The following UFD1 variants were observed in gnomAD, a reference collection of about 807,000 sequenced individuals.
UFD1 encodes ubiquitin recognition factor in ER-associated degradation protein 1.
A neutral mutation model predicts 45.9 loss-of-function variants in UFD1; 13 were observed. That is an observed-to-expected ratio of 0.28 (90% CI 0.18 to 0.45). UFD1 has a LOEUF of 0.45. UFD1 is among the 20% of genes least tolerant of loss of function. The pLI is 1.00. For missense variants in UFD1, 218 were observed against 389.2 expected, an observed-to-expected ratio of 0.56 and a Z score of 3.70; for synonymous variants, 128 against 139.2, an observed-to-expected ratio of 0.92 and a Z score of 0.56.
intron 3 of UFD1, among the ~76,000 whole-genome samples, chr22:19,474,017 T>C (rs1437569734): frequency 2.0e-5 from 3 of 152,156 alleles, no homozygotes; most frequent in Non-Finnish European, 4.4e-5. Context: ...TTGTCCATGA[T>C]AGGGATTTTC....
chr22:19,451,066 G>A, intron 11 of UFD1: 2 of 1,006,982 alleles, frequency 2.0e-6, no homozygotes, highest in Non-Finnish European at 2.4e-6. Flanking sequence ...AGTGAGCTAT[G>A]ATTGTGCCAC....
chr22:19,459,352 C>T (rs909695852), intron 6 of UFD1, among the ~76,000 whole-genome samples: 3 of 152,158 alleles, frequency 2.0e-5, no homozygotes, highest in South Asian at 2.1e-4. Flanking sequence ...TGGTGGCTCA[C>T]GCCTGTAATC....
At chr22:19,465,382 C>CAG in intron 5 of UFD1, 108 bp from the exon 6 acceptor site, 1 of 909,920 alleles carries the variant, frequency 1.1e-6, no homozygotes, top group Non-Finnish European at 1.8e-6. Context: ...CATGATGGTA[C>CAG]TTGAAACACG....
intron 6 of UFD1, among the ~76,000 whole-genome samples, chr22:19,462,004 C>CT (rs995161349): frequency 1.3e-5 from 2 of 151,008 alleles, no homozygotes; most frequent in Admixed American, 1.3e-4. Flanking sequence ...TCAGGGTTTG[C>CT]TTTTTTTTTG....
chr22:19,468,065 T>A, intron 4 of UFD1, 62 bp from the exon 5 acceptor site: 1 of 1,601,658 alleles, frequency 6.2e-7, no homozygotes, highest in Non-Finnish European at 8.5e-7. Flanking sequence ...CAACCACTGC[T>A]CCCTATACAC....
At position 19,450,489 on chromosome 22, in the gene UFD1, A is replaced by G; in HGVS notation, c.*181T>C. The G allele has an allele frequency of 1.3e-6, 1 of 745,942 alleles. No individual in the cohort carries two copies. Among genetic ancestry groups the G allele is most frequent in the Non-Finnish European group, 2.1e-6 (1 of 475,228 alleles). 46.2% of individuals were successfully genotyped at this position (745,942 alleles called of 1,614,324 possible). A position where few individuals can be genotyped will look rare whatever the true frequency, so the allele number is the denominator to read the frequency against. ...TTGTCTTTCCCCAAATCAAGCATAC[A>G]ACTACAAAGTCCTGCTGCTCCACTT... On this transcript the variant is annotated 3_prime_UTR_variant, in exon 12 of 12. Coordinates refer to ENST00000263202, the MANE Select transcript of UFD1 (RefSeq NM_005659.7).
chr22:19,452,551 G>A (rs1295786229), intron 11 of UFD1: 1 of 152,120 alleles, frequency 6.6e-6, no homozygotes, highest in African/African-American at 2.4e-5. Flanking sequence ...TTGGGAGACA[G>A]GGACTTACTG....
intron 4 of UFD1, 73 bp from the exon 5 acceptor site, chr22:19,468,076 T>G: frequency 6.4e-7 from 1 of 1,563,698 alleles, no homozygotes; most frequent in East Asian, 2.3e-5. Context: ...CCCTATACAC[T>G]GGGCAGGCCC....
intron 3 of UFD1, among the ~76,000 whole-genome samples, chr22:19,473,378 G>A (rs1374533970): frequency 6.6e-6 from 1 of 152,226 alleles, no homozygotes; most frequent in African/African-American, 2.4e-5. Flanking sequence ...CTTCCTATAA[G>A]ATTTAGACAG....
In UFD1 at chr22:19,471,749, T is replaced by C. The variant is rs760744737; in HGVS notation, c.229A>G (p.Met77Val). The C allele has an allele frequency of 9.9e-6, 16 of 1,614,010 alleles. No homozygotes were observed. In the Admixed American group the frequency reaches 1.5e-4, roughly 15 times the overall value. ...FKLTNKNSDR[M>V]THCGVLEFVA... ...AACTCCAGCACGCCACAATGCGTCATGCGGTCCGAATTCTTATTGGTCAGT... is the reference window on the plus strand; with the variant it reads ...AACTCCAGCACGCCACAATGCGTCACGCGGTCCGAATTCTTATTGGTCAGT... Residue 77 changes from methionine to valine, a missense_variant, in exon 4 of 12, where the codon ATG (methionine) becomes GTG (valine). Transcript: ENST00000263202.
chr22:19,456,432 T>C (rs930149034), intron 9 of UFD1, 155 bp downstream of exon 9: 2 of 957,002 alleles, frequency 2.1e-6, no homozygotes, highest in East Asian at 2.4e-5. Context: ...AAGGGTTTGG[T>C]AACTGAGCGA....
chr22:19,474,595 G>C (rs1179177830), intron 3 of UFD1, among the ~76,000 whole-genome samples: 2 of 152,124 alleles, frequency 1.3e-5, no homozygotes, highest in Non-Finnish European at 2.9e-5. Context: ...GGGGTCTGGA[G>C]CTCAGGAAAG....
intron 11 of UFD1, chr22:19,451,271 G>C: frequency 1.0e-6 from 1 of 985,508 alleles, no homozygotes. Flanking sequence ...CAAGGCTACA[G>C]AACTGAATTC....
intron 6 of UFD1, among the ~76,000 whole-genome samples, chr22:19,462,739 T>C (rs1415972993): frequency 1.3e-5 from 2 of 152,226 alleles, no homozygotes; most frequent in African/African-American, 2.4e-5. Flanking sequence ...TTAAGCTTCA[T>C]ACATTAAACA....
rs145853468 is a variant in UFD1 at position 19,474,906 on chromosome 22, G to C, written c.169+162C>G. On this transcript the variant is annotated intron_variant, in intron 3 of 11. Coordinates refer to ENST00000263202, the MANE Select transcript of UFD1 (RefSeq NM_005659.7). ...GGCCCTGGCCTCGCCCTAGGTACCT[G>C]TGACCCAGGTTCTCCCAGCCCAGCG... Among the ~76,000 whole-genome samples the C allele has an allele frequency of 1.0e-3, 157 of 152,274 alleles. No individual in the cohort carries two copies. The highest frequency in any genetic ancestry group is 3.7e-3 in the African/African-American group (154 of 41,558).
At chr22:19,456,491 A>C (rs2089723837) in intron 9 of UFD1, 96 bp downstream of exon 9, 1 of 1,529,712 alleles carries the variant, frequency 6.5e-7, no homozygotes, top group Non-Finnish European at 9.1e-7. Context: ...ACCCCTGCTG[A>C]TGTCCATCGA....
intron 1 of UFD1, chr22:19,478,826 T>G (rs5748231): frequency 0.52 from 277,980 of 529,506 alleles, 74,002 homozygotes; most frequent in South Asian, 0.61. Flanking sequence ...GACACAAACC[T>G]TCCTTTCTTT....
intron 5 of UFD1, 86 bp downstream of exon 5, chr22:19,467,787 A>T: frequency 1.3e-6 from 2 of 1,544,758 alleles, no homozygotes; most frequent in Non-Finnish European, 1.7e-6. Context: ...CAAAGCAGGC[A>T]CAGATTCAAT....
rs1234528898 is a variant in UFD1, at chr22:19,455,772, G to C, written c.679-4C>G. On this transcript the variant is annotated splice_polypyrimidine_tract_variant and splice_region_variant and intron_variant, in intron 9 of 11. Transcript: ENST00000263202. Reference sequence around the variant, plus strand: ...TATTGCCAGATCCAGAGAAAGCCTAGACAGGAAGTAGGTGAGTCATATAAT... The same window carrying C: ...TATTGCCAGATCCAGAGAAAGCCTACACAGGAAGTAGGTGAGTCATATAAT... 5 of 1,613,914 alleles carry C rather than the reference G, an allele frequency of 3.1e-6. No homozygotes were observed. The East Asian group carries it at 6.7e-5, about 22-fold the overall frequency.
Sources: gnomAD v4.1 joint callset for allele counts (sites outside exome capture counted in the v4.1 genomes callset) on GRCh38, gnomAD v4.1.1 for gene constraint, MANE v1.5 for transcripts, NCBI Gene and HGNC (gene_info 2026-07-23, HGNC 2026-07-21) for gene names.